The following LY96 variants were observed in gnomAD, a reference collection of about 807,000 sequenced individuals.
The protein encoded by LY96 is myeloid differentiation protein-2.
A neutral mutation model predicts 18.9 loss-of-function variants in LY96; 18 were observed. That is an observed-to-expected ratio of 0.95 (90% CI 0.66 to 1.41). The LOEUF is 1.41. Ranked by LOEUF, LY96 falls within the 40% of genes most tolerant of loss-of-function variation. The probability of loss-of-function intolerance (pLI) is 0.00; values close to 1 mark genes in which losing one functional copy is unlikely to be tolerated. For synonymous variants in LY96, 66 were observed against 62.6 expected (o/e 1.06, Z -0.26); for missense variants, 175 against 182.4 (o/e 0.96, Z 0.23).
At chr8:74,084,055 G>A in the LY96 span, among the ~76,000 whole-genome samples, 97 of 146,748 alleles carry the variant, frequency 6.6e-4, no homozygotes, top group African/African-American at 2.3e-3. Context: ...CAATTTATTT[G>A]TTGAAGAAAC....
At chr8:73,993,064 T>C (rs1816043785) in intron 1 of LY96, among the ~76,000 whole-genome samples, 1 of 151,418 alleles carries the variant, frequency 6.6e-6, no homozygotes, top group Non-Finnish European at 1.5e-5. Flanking sequence ...GGTTTCATCA[T>C]GTTGACCAGG....
downstream of LY96, chr8:74,029,141 A>T (rs1156418088): frequency 3.7e-5 from 28 of 747,876 alleles, no homozygotes; most frequent in Non-Finnish European, 5.5e-5. Context: ...ATATGGTAGG[A>T]TAGGAAGACA....
the LY96 span, among the ~76,000 whole-genome samples, chr8:74,066,183 A>G: frequency 6.6e-6 from 1 of 152,078 alleles, no homozygotes; most frequent in Non-Finnish European, 1.5e-5. Context: ...GGTTTCATAG[A>G]TGGCACCTCT....
the LY96 span, chr8:74,079,567 T>C: frequency 6.6e-6 from 1 of 152,090 alleles, no homozygotes; most frequent in African/African-American, 2.4e-5. Context: ...TGTATTAAGA[T>C]TGCACCAATA....
At chr8:74,016,603 T>A (rs1355029103) in intron 3 of LY96, among the ~76,000 whole-genome samples, 1 of 152,162 alleles carries the variant, frequency 6.6e-6, no homozygotes, top group African/African-American at 2.4e-5. Flanking sequence ...CGGAGACACC[T>A]CCTAGTAGGG....
the LY96 span, among the ~76,000 whole-genome samples, chr8:74,050,133 A>C: frequency 6.6e-6 from 1 of 152,204 alleles, no homozygotes; most frequent in Non-Finnish European, 1.5e-5. Flanking sequence ...ACCTGAGGTC[A>C]GGAGCTGGAG....
the LY96 span, among the ~76,000 whole-genome samples, chr8:74,034,390 T>A: frequency 6.6e-6 from 1 of 152,048 alleles, no homozygotes; most frequent in South Asian, 2.1e-4. Context: ...AAAAAAATTC[T>A]TTAATAGAAA....
chr8:73,998,095 A>G (rs1236409549), intron 1 of LY96, among the ~76,000 whole-genome samples: 2 of 152,146 alleles, frequency 1.3e-5, no homozygotes, highest in Non-Finnish European at 2.9e-5. Context: ...TCTTTCTCAT[A>G]ACTGGCCCTT....
At chr8:74,002,085 TTCTTTCTTTCTCTCTCTCTCTC>T (rs1230444847) in intron 1 of LY96, among the ~76,000 whole-genome samples, 8 of 29,304 alleles carry the variant, frequency 2.7e-4, no homozygotes, top group African/African-American at 1.5e-3. Flanking sequence ...CTTTCTTTCT[TTCTTTCTTTCTCTCTCTCTCTC>T]TCTCTCTCTC....
chr8:73,991,567 G>A lies in LY96; in HGVS notation c.112+13G>A, dbSNP rs143876123. ...TACACCTACTGTGGTAAGTAAAACC[G>A]CAAAACAAATAATTGTAGCATCAAC... On this transcript the variant is annotated intron_variant, in intron 1 of 4. Coordinates refer to ENST00000284818, the MANE Select transcript of LY96 (RefSeq NM_015364.5). 22 of 1,435,622 alleles carry A rather than the reference G, an allele frequency of 1.5e-5. No homozygotes were observed. The highest frequency in any genetic ancestry group is 5.7e-5 in the South Asian group (5 of 87,376). The allele number at this position is 1,435,622 out of a possible 1,614,324, so 88.9% of individuals were successfully genotyped here. A position where few individuals can be genotyped will look rare whatever the true frequency, so the allele number is the denominator to read the frequency against.
At chr8:74,064,541 A>G in the LY96 span, among the ~76,000 whole-genome samples, 1 of 152,154 alleles carries the variant, frequency 6.6e-6, no homozygotes, top group East Asian at 1.9e-4. Flanking sequence ...TTAAAAGCGC[A>G]TGGCACCCCC....
the LY96 span, among the ~76,000 whole-genome samples, chr8:74,040,521 G>T: frequency 6.6e-6 from 1 of 152,148 alleles, no homozygotes; most frequent in South Asian, 2.1e-4. Flanking sequence ...CATAATGAGA[G>T]ATAGAGGTCT....
chr8:74,078,812 A>T, the LY96 span, among the ~76,000 whole-genome samples: 39 of 152,348 alleles, frequency 2.6e-4, no homozygotes, highest in African/African-American at 8.4e-4. Context: ...GAAAAAAATT[A>T]AAAAAATTAG....
the LY96 span, among the ~76,000 whole-genome samples, chr8:74,045,770 C>A: frequency 6.6e-6 from 1 of 152,112 alleles, no homozygotes; most frequent in African/African-American, 2.4e-5. Context: ...AGACCGCCCC[C>A]CTACCTCCTT....
the LY96 span, among the ~76,000 whole-genome samples, chr8:74,085,562 G>A: frequency 3.9e-5 from 6 of 152,150 alleles, no homozygotes; most frequent in African/African-American, 1.4e-4. Flanking sequence ...CAATAGTGAT[G>A]CCTTTGCCGC....
chr8:74,080,126 G>T, the LY96 span, among the ~76,000 whole-genome samples: 4 of 152,178 alleles, frequency 2.6e-5, no homozygotes, highest in African/African-American at 9.7e-5. Flanking sequence ...TGGAAGTGTT[G>T]TTCAGGACCC....
chr8:74,095,247 G>A, the LY96 span, among the ~76,000 whole-genome samples: 7 of 152,152 alleles, frequency 4.6e-5, no homozygotes, highest in East Asian at 1.3e-3. Context: ...CTTTATTCAG[G>A]GCACAGCTGA....
chr8:74,014,050 C>T (rs995464550), intron 3 of LY96, among the ~76,000 whole-genome samples: 22 of 151,716 alleles, frequency 1.5e-4, no homozygotes, highest in Non-Finnish European at 1.8e-4. Context: ...AACGAGACGG[C>T]GGCCAGGGAG....
At chr8:74,069,575 AATTT>A in the LY96 span, among the ~76,000 whole-genome samples, 12,261 of 151,958 alleles carry the variant, frequency 0.081, 843 homozygotes, top group African/African-American at 0.19. Flanking sequence ...GCAGCCAATC[AATTT>A]ATTTATTTAT....
Sources: gnomAD v4.1 joint callset for allele counts (sites outside exome capture counted in the v4.1 genomes callset) on GRCh38, gnomAD v4.1.1 for gene constraint, MANE v1.5 for transcripts, NCBI Gene and HGNC (gene_info 2026-07-23, HGNC 2026-07-21) for gene names.